Variants in SULT2B1 observed in about 807,000 individuals in gnomAD.
SULT2B1 encodes the protein sulfotransferase 2B1.
In SULT2B1, 16 loss-of-function variants were observed where a neutral mutation model predicts 33.2. The observed-to-expected ratio is 0.48, with a 90% confidence interval of 0.33 to 0.73. The LOEUF (loss-of-function observed/expected upper bound fraction) is 0.73. Ranked by LOEUF, SULT2B1 falls within the 30% of genes least tolerant of loss-of-function variation. The pLI, the probability that SULT2B1 is intolerant of heterozygous loss-of-function variation, is 0.02. For missense variants in SULT2B1, 500 were observed against 506.0 expected (o/e 0.99, Z 0.11); for synonymous variants, 186 against 200.5 (o/e 0.93, Z 0.61).
intron 5 of SULT2B1, chr19:48,596,473 T>TGTGACCTCTGCCCCCG (rs113270886): frequency 2.0e-4 from 40 of 205,056 alleles, no homozygotes; most frequent in African/African-American, 1.1e-3. Flanking sequence ...CTCTGCCCCC[T>TGTGACCTCTGCCCCCG]GCTGTGACCT....
chr19:48,575,820 A>T, intron 1 of SULT2B1, 121 bp from the exon 2 acceptor site: 1 of 1,500,346 alleles, frequency 6.7e-7, no homozygotes, highest in Non-Finnish European at 8.9e-7. Context: ...ACCACTTTAC[A>T]GAAGAGGGAC....
intron 2 of SULT2B1, 43 bp downstream of exon 2, chr19:48,576,126 G>T (rs71357829): frequency 5.4e-6 from 8 of 1,490,680 alleles, no homozygotes; most frequent in South Asian, 1.1e-5. Context: ...GGAGAGTGGG[G>T]AGGGGGTGCG....
chr19:48,557,265 C>G (rs1014991381), intron 1 of SULT2B1, among the ~76,000 whole-genome samples: 2 of 151,992 alleles, frequency 1.3e-5, no homozygotes, highest in African/African-American at 4.8e-5. Flanking sequence ...TGAGATCGGG[C>G]TCTGTGGCTC....
In SULT2B1 at chr19:48,592,725, AG is replaced by A; in HGVS notation, c.555del (p.Gln185HisfsTer15). 1 of 1,593,074 alleles carries A rather than the reference AG, an allele frequency of 6.3e-7. No homozygotes were observed. The highest frequency in any genetic ancestry group is 2.3e-5 in the East Asian group (1 of 44,322). On this transcript the variant is annotated frameshift_variant, in exon 5 of 7. Coordinates refer to ENST00000201586, the MANE Select transcript of SULT2B1 (RefSeq NM_177973.2). LOFTEE classifies it high-confidence loss of function. ...FLRDFLKGEV[Q>X]FGSWFDHIKG... The stretch of plus-strand genomic sequence containing the variant: ...CCACTTGTCCCTCTGCCCACAGTGC[AG>A]TTTGGCTCCTGGTTCGACCACATTA...
At chr19:48,592,506 A>T (rs1973655738) in intron 4 of SULT2B1, among the ~76,000 whole-genome samples, 1 of 152,128 alleles carries the variant, frequency 6.6e-6, no homozygotes, top group Non-Finnish European at 1.5e-5. Flanking sequence ...GGATGGACAG[A>T]TAGACAAAGG....
intron 2 of SULT2B1, among the ~76,000 whole-genome samples, chr19:48,583,887 G>A (rs1012046334): frequency 8.6e-5 from 13 of 152,044 alleles, no homozygotes; most frequent in African/African-American, 3.1e-4. Flanking sequence ...GCTGAGGCAG[G>A]CAGATCACGA....
intron 2 of SULT2B1, among the ~76,000 whole-genome samples, chr19:48,586,025 T>TG (rs1342959062): frequency 1.3e-5 from 2 of 152,058 alleles, no homozygotes; most frequent in African/African-American, 4.8e-5. Flanking sequence ...AAGACCAGCC[T>TG]GGGCAACATA....
chr19:48,571,503 G>C (rs1358318915), intron 1 of SULT2B1, among the ~76,000 whole-genome samples: 5 of 151,864 alleles, frequency 3.3e-5, no homozygotes, highest in African/African-American at 1.2e-4. Flanking sequence ...AGCCTGCCCA[G>C]GCTGGTCTTG....
At position 48,592,834 on chromosome 19, in the gene SULT2B1, C is replaced by T. The variant is rs1290789394; in HGVS notation, c.645+18C>T. On this transcript the variant is annotated intron_variant, in intron 5 of 6. Transcript: ENST00000201586. The stretch of plus-strand genomic sequence containing the variant: ...TGCAGCAGGTGAGTCCCCACCTCCT[C>T]CAGGTGCAGCGTCCCCCCCATACCC... 3 of 1,549,126 alleles carry T rather than the reference C, an allele frequency of 1.9e-6. No individual in the cohort carries two copies. The highest frequency in any genetic ancestry group is 2.6e-6 in the Non-Finnish European group (3 of 1,143,278).
chr19:48,595,518 C>T (rs2379085), intron 5 of SULT2B1, among the ~76,000 whole-genome samples: 122,109 of 151,960 alleles, frequency 0.8, 49,665 homozygotes, highest in Middle Eastern at 0.87. Context: ...ATTTGAGCTG[C>T]AGCCGTGGCA....
At chr19:48,582,112 C>T (rs977500557) in intron 2 of SULT2B1, among the ~76,000 whole-genome samples, 2 of 151,272 alleles carry the variant, frequency 1.3e-5, no homozygotes, top group African/African-American at 4.9e-5. Context: ...GCCATGTGGG[C>T]CAGGCTGGTC....
rs151314728 is a variant in SULT2B1 at position 48,555,212 on chromosome 19, C to T, written c.71+2889C>T. ...GTTCAAGCGATTCTCCTGCCTCAGC[C>T]TCCCAAGTAGCTGGGATTACAGGCA... On this transcript the variant is annotated intron_variant, in intron 1 of 6. Transcript: ENST00000201586. Among the ~76,000 whole-genome samples the T allele has an allele frequency of 7.6e-3, 1,154 of 152,244 alleles. 17 individuals carry two copies. The highest frequency in any genetic ancestry group is 0.027 in the African/African-American group (1,105 of 41,562).
At chr19:48,581,572 C>G (rs1404987172) in intron 2 of SULT2B1, among the ~76,000 whole-genome samples, 1 of 148,738 alleles carries the variant, frequency 6.7e-6, no homozygotes, top group Non-Finnish European at 1.5e-5. Flanking sequence ...ATTCTCCTGC[C>G]TCAGCCTCCC....
chr19:48,554,709 G>A (rs1359829911), intron 1 of SULT2B1, among the ~76,000 whole-genome samples: 1 of 127,190 alleles, frequency 7.9e-6, no homozygotes, highest in Non-Finnish European at 1.6e-5. Flanking sequence ...TGTCACCCAG[G>A]CTGGAGCACA....
chr19:48,560,727 G>A (rs571213294), intron 1 of SULT2B1, among the ~76,000 whole-genome samples: 8 of 152,170 alleles, frequency 5.3e-5, no homozygotes, highest in Non-Finnish European at 1.0e-4. Flanking sequence ...TTGGGAAGCC[G>A]AGACGTGTGG....
intron 2 of SULT2B1, among the ~76,000 whole-genome samples, chr19:48,586,041 A>G (rs1400990615): frequency 6.6e-6 from 1 of 151,694 alleles, no homozygotes; most frequent in Non-Finnish European, 1.5e-5. Context: ...ACATAGTGGG[A>G]CCGTATGTCT....
At chr19:48,564,656 G>T (rs1401634452) in intron 1 of SULT2B1, among the ~76,000 whole-genome samples, 1 of 151,352 alleles carries the variant, frequency 6.6e-6, no homozygotes, top group Non-Finnish European at 1.5e-5. Context: ...ACTAAAATTT[G>T]GGGTTTTTTA....
Position 48,573,460 on chromosome 19 carries a change from G to T in SULT2B1, c.72-2481G>T, listed in dbSNP as rs528319151. Among the ~76,000 whole-genome samples, 5 of 152,276 alleles carry T rather than the reference G, an allele frequency of 3.3e-5. No homozygotes were observed. The South Asian group carries it at 8.3e-4, about 25-fold the overall frequency. On this transcript the variant is annotated intron_variant, in intron 1 of 6. Transcript: ENST00000201586. ...GGGGCCAGATTTGTTTTACAAGGTGGACAGCAGGCACAGGGTACCTGTTTT... is the reference window on the plus strand; with the variant it reads ...GGGGCCAGATTTGTTTTACAAGGTGTACAGCAGGCACAGGGTACCTGTTTT...
At chr19:48,569,266 C>T (rs1601093004) in intron 1 of SULT2B1, among the ~76,000 whole-genome samples, 1 of 150,262 alleles carries the variant, frequency 6.7e-6, no homozygotes, top group African/African-American at 2.4e-5. Context: ...GGCGTGAATC[C>T]AGGAGGCGGA....
Sources: allele counts gnomAD v4.1 joint callset (sites outside exome capture counted in the v4.1 genomes callset), GRCh38; gene constraint gnomAD v4.1.1; transcripts MANE v1.5; gene names NCBI Gene and HGNC (gene_info 2026-07-23, HGNC 2026-07-21).